LHFPL2: variants seen among roughly 807,000 people sequenced by gnomAD.
The protein encoded by LHFPL2 is LHFPL tetraspan subfamily member 2.
Under a neutral mutation model 17.5 loss-of-function variants are expected in LHFPL2, and 7 were observed. The ratio of observed to expected loss-of-function variants is 0.40; its 90% confidence interval spans 0.23 to 0.75. The LOEUF (loss-of-function observed/expected upper bound fraction) is 0.75, where lower values mean the gene tolerates loss of function less well. Ranked by LOEUF, LHFPL2 falls within the 30% of genes least tolerant of loss-of-function variation. LHFPL2 has a pLI of 0.37. For synonymous variants in LHFPL2, 134 were observed against 116.2 expected, an observed-to-expected ratio of 1.15 and a Z score of -0.99; for missense variants, 241 against 294.8, an observed-to-expected ratio of 0.82 and a Z score of 1.34.
intron 3 of LHFPL2, among the ~76,000 whole-genome samples, chr5:78,533,361 A>G (rs1299995630): frequency 6.6e-6 from 1 of 152,236 alleles, no homozygotes; most frequent in Admixed American, 6.5e-5. Context: ...CCATATGAAC[A>G]AAGTGCTGCC....
chr5:78,618,237 G>A (rs567327051), intron 2 of LHFPL2, among the ~76,000 whole-genome samples: 4 of 151,980 alleles, frequency 2.6e-5, no homozygotes, highest in South Asian at 2.1e-4. Flanking sequence ...GAAGACCAAC[G>A]AACTGTCTCT....
chr5:78,518,890 G>T (rs1755366885), intron 3 of LHFPL2, among the ~76,000 whole-genome samples: 1 of 152,198 alleles, frequency 6.6e-6, no homozygotes, highest in Non-Finnish European at 1.5e-5. Context: ...TCAGCTGGAT[G>T]TCCCAGAAGC....
At chr5:78,558,636 G>C (rs989678928) in intron 3 of LHFPL2, among the ~76,000 whole-genome samples, 5 of 152,126 alleles carry the variant, frequency 3.3e-5, no homozygotes, top group Admixed American at 1.3e-4. Context: ...TCTGTGCCAG[G>C]CTTATACATT....
intron 1 of LHFPL2, among the ~76,000 whole-genome samples, chr5:78,647,173 T>G (rs979529635): frequency 6.6e-6 from 1 of 152,244 alleles, no homozygotes; most frequent in Admixed American, 6.5e-5. Context: ...ATGAGACTCT[T>G]GGATTCTATT....
At chr5:78,631,512 A>G (rs1420886198) in intron 2 of LHFPL2, among the ~76,000 whole-genome samples, 2 of 152,258 alleles carry the variant, frequency 1.3e-5, no homozygotes. Context: ...ATGTGCACAA[A>G]CAAGTACGTA....
intron 2 of LHFPL2, among the ~76,000 whole-genome samples, chr5:78,577,725 T>C (rs1249320853): frequency 2.0e-5 from 3 of 151,842 alleles, no homozygotes; most frequent in African/African-American, 7.3e-5. Flanking sequence ...TCCTAGTCAC[T>C]GGAGAAAATC....
intron 4 of LHFPL2, among the ~76,000 whole-genome samples, chr5:78,507,009 G>C (rs1177870861): frequency 6.6e-6 from 1 of 152,104 alleles, no homozygotes; most frequent in Non-Finnish European, 1.5e-5. Context: ...TCCTCCAAGA[G>C]ACCTTGTGCA....
chr5:78,524,453 G>A (rs1182897891), intron 3 of LHFPL2, among the ~76,000 whole-genome samples: 1 of 152,174 alleles, frequency 6.6e-6, no homozygotes, highest in African/African-American at 2.4e-5. Flanking sequence ...AGAATTGTTA[G>A]ATATCCGGCC....
intron 4 of LHFPL2, among the ~76,000 whole-genome samples, chr5:78,494,095 C>G (rs1278713231): frequency 6.6e-6 from 1 of 152,178 alleles, no homozygotes; most frequent in Non-Finnish European, 1.5e-5. Flanking sequence ...CTCTGGTAGT[C>G]TCTGGGGCCC....
chr5:78,586,753 G>A (rs1329552357), intron 2 of LHFPL2, among the ~76,000 whole-genome samples: 1 of 152,112 alleles, frequency 6.6e-6, no homozygotes, highest in Non-Finnish European at 1.5e-5. Flanking sequence ...CCTAAATTAT[G>A]CCCCACTATT....
chr5:78,549,843 C>T (rs576175155), intron 3 of LHFPL2, among the ~76,000 whole-genome samples: 1 of 152,280 alleles, frequency 6.6e-6, no homozygotes, highest in South Asian at 2.1e-4. Flanking sequence ...TATGGTAATT[C>T]CTGAGTGGGG....
chr5:78,547,552 A>G (rs748879335), intron 3 of LHFPL2, among the ~76,000 whole-genome samples: 17 of 152,216 alleles, frequency 1.1e-4, no homozygotes, highest in Non-Finnish European at 2.5e-4. Flanking sequence ...AAACCTCACC[A>G]AAATTTTAAA....
intron 4 of LHFPL2, among the ~76,000 whole-genome samples, chr5:78,492,216 G>A (rs1486427944): frequency 2.0e-5 from 3 of 152,236 alleles, no homozygotes; most frequent in East Asian, 1.9e-4. Context: ...AAAGCTCTGA[G>A]TGTAGGCCTG....
chr5:78,620,287 G>C (rs1290738867), intron 2 of LHFPL2, among the ~76,000 whole-genome samples: 2 of 151,640 alleles, frequency 1.3e-5, no homozygotes, highest in South Asian at 2.1e-4. Context: ...TGTGTTTTTT[G>C]GCTGCATAAA....
intron 3 of LHFPL2, among the ~76,000 whole-genome samples, chr5:78,554,414 T>C (rs1039013481): frequency 1.3e-5 from 2 of 152,358 alleles, no homozygotes; most frequent in Middle Eastern, 3.4e-3. Flanking sequence ...TAGAATTCAC[T>C]AGAGATGGAG....
intron 3 of LHFPL2, among the ~76,000 whole-genome samples, chr5:78,529,389 T>C (rs1393400212): frequency 6.6e-6 from 1 of 152,242 alleles, no homozygotes; most frequent in African/African-American, 2.4e-5. Context: ...TGACCTCGCT[T>C]TACTGTCACA....
intron 3 of LHFPL2, among the ~76,000 whole-genome samples, chr5:78,511,309 A>G (rs959038486): frequency 3.3e-5 from 5 of 152,340 alleles, no homozygotes; most frequent in African/African-American, 1.2e-4. Flanking sequence ...TCGGGAACTC[A>G]ACATGCCCAT....
chr5:78,564,461 T>C (rs1425466277), intron 3 of LHFPL2, among the ~76,000 whole-genome samples: 1 of 152,106 alleles, frequency 6.6e-6, no homozygotes, highest in African/African-American at 2.4e-5. Context: ...AGAGAAATGA[T>C]AAAAATGATG....
At chr5:78,531,072 T>C (rs1755768663) in intron 3 of LHFPL2, among the ~76,000 whole-genome samples, 1 of 152,224 alleles carries the variant, frequency 6.6e-6, no homozygotes, top group African/African-American at 2.4e-5. Context: ...AATGGTTTAA[T>C]CATGATAAAT....
Sources: gnomAD v4.1 joint callset for allele counts (sites outside exome capture counted in the v4.1 genomes callset) on GRCh38, gnomAD v4.1.1 for gene constraint, MANE v1.5 for transcripts, NCBI Gene and HGNC (gene_info 2026-07-23, HGNC 2026-07-21) for gene names.